The following ZEB1 variants were observed in gnomAD, a reference collection of about 807,000 sequenced individuals.
ZEB1 encodes the protein zinc finger E-box-binding homeobox 1.
In ZEB1, 21 loss-of-function variants were observed where a neutral mutation model predicts 84.9. The observed-to-expected ratio is 0.25, with a 90% CI of 0.18 to 0.36. The LOEUF is 0.36. Among genes scored for constraint, ZEB1 ranks in the 10% least tolerant of loss-of-function variants. The pLI is 1.00. For missense variants in ZEB1, 1,104 were observed against 1,330.2 expected, an observed-to-expected ratio of 0.83 and a Z score of 2.65; for synonymous variants, 420 against 471.1, an observed-to-expected ratio of 0.89 and a Z score of 1.41.
At chr10:31,525,179 G>C (rs906051391) in intron 8 of ZEB1, among the ~76,000 whole-genome samples, 2 of 152,194 alleles carry the variant, frequency 1.3e-5, no homozygotes. Flanking sequence ...TTTACATTTT[G>C]TCTATGTCAG....
rs1348280199 is a variant in ZEB1, at chr10:31,319,297, G to A, written c.58+5G>A. 2.5e-6 allele frequency: 4 copies of A among 1,607,136 alleles called. No homozygotes were observed. The Admixed American group carries it at 6.8e-5, about 27-fold the overall frequency. On this transcript the variant is annotated splice_donor_5th_base_variant and intron_variant, in intron 1 of 8. Coordinates refer to ENST00000424869, the MANE Select transcript of ZEB1 (RefSeq NM_001174096.2). ...CGAACCCGCGGCGCAATAACGGTGAGTGGCGGAGGGGACCGGGGAGCGGCG... is the reference window on the plus strand; with the variant it reads ...CGAACCCGCGGCGCAATAACGGTGAATGGCGGAGGGGACCGGGGAGCGGCG...
Position 31,520,836 on chromosome 10 carries a change from A to G in ZEB1, c.1504A>G (p.Asn502Asp). The change falls in exon 7 of 9, where the codon AAC (asparagine) becomes GAC (aspartate). Residue 502 changes from asparagine (N) to aspartate (D), a missense_variant. Asn to Asp is a conservative substitution (Grantham distance 23). Coordinates refer to ENST00000424869, the MANE Select transcript of ZEB1 (RefSeq NM_001174096.2). This position sits in a 1 kb window ranked among gnomAD's most constrained non-coding sequence, Gnocchi z 5.1. ...NLKKENPVAT[N>D]SCKSEKLPED... ...AAAAAAAGAAAATCCAGTCGCTACAAACAGTTGTAAAAGTGAAAAGTTACC... is the reference window on the plus strand; with the variant it reads ...AAAAAAAGAAAATCCAGTCGCTACAGACAGTTGTAAAAGTGAAAAGTTACC... 6.2e-7 allele frequency: 1 copy of G among 1,614,122 alleles called. No homozygotes were observed. Among genetic ancestry groups the G allele is most frequent in the Non-Finnish European group, 8.5e-7 (1 of 1,180,000 alleles).
chr10:31,515,505 T>G (rs985543203), intron 6 of ZEB1, among the ~76,000 whole-genome samples: 11 of 152,108 alleles, frequency 7.2e-5, no homozygotes, highest in African/African-American at 2.7e-4. Context: ...AATTATGGGT[T>G]TTCACACATT....
At chr10:31,471,442 C>T (rs1193111845) in intron 2 of ZEB1, among the ~76,000 whole-genome samples, 1 of 151,574 alleles carries the variant, frequency 6.6e-6, no homozygotes, top group African/African-American at 2.4e-5. Context: ...GACCTTAAAC[C>T]AATAAAGATC....
chr10:31,520,424 A>G lies in ZEB1; in HGVS notation c.1092A>G (p.Gly364=). ...YEFKPIVVAS[G]INCSTPLQNG... is the part of the protein sequence containing the mutation. ...TCAAACCCATAGTGGTTGCTTCAGG[A>G]ATCAACTGTTCAACCCCTTTACAAA... The change falls in exon 7 of 9, where the codon GGA becomes GGG. Residue 364 remains glycine (G), a synonymous_variant. Coordinates refer to ENST00000424869, the MANE Select transcript of ZEB1 (RefSeq NM_001174096.2). The surrounding 1 kb of genome is among the most constrained non-coding windows in gnomAD (Gnocchi z 5.1). The G allele has an allele frequency of 6.2e-7, 1 of 1,614,016 alleles. No individual in the cohort carries two copies. The highest frequency in any genetic ancestry group is 2.2e-5 in the East Asian group (1 of 44,846).
At chr10:31,486,696 A>G (rs1261208306) in intron 2 of ZEB1, among the ~76,000 whole-genome samples, 1 of 150,914 alleles carries the variant, frequency 6.6e-6, no homozygotes, top group African/African-American at 2.4e-5. Flanking sequence ...AAATTTTGAG[A>G]GTTCTTTAGA....
intron 1 of ZEB1, among the ~76,000 whole-genome samples, chr10:31,356,299 G>T (rs988120101): frequency 1.3e-5 from 2 of 151,728 alleles, no homozygotes; most frequent in African/African-American, 4.8e-5. Context: ...AAGATAATTT[G>T]ACTTCCTGAT....
intron 1 of ZEB1, chr10:31,387,157 A>G: frequency 1.0e-6 from 1 of 985,832 alleles, no homozygotes; most frequent in Non-Finnish European, 1.2e-6. Flanking sequence ...AGAGGAATAT[A>G]AAGAGGTCCC....
At chr10:31,513,286 T>G (rs2070438064) in intron 5 of ZEB1, among the ~76,000 whole-genome samples, 1 of 152,030 alleles carries the variant, frequency 6.6e-6, no homozygotes, top group African/African-American at 2.4e-5. Flanking sequence ...CAAGAATAAC[T>G]CCAAAGTTTA....
intron 5 of ZEB1, among the ~76,000 whole-genome samples, chr10:31,512,967 GT>G (rs1272285911): frequency 3.3e-5 from 5 of 152,184 alleles, no homozygotes; most frequent in Non-Finnish European, 5.9e-5. Flanking sequence ...AGGGAGAAAG[GT>G]AAGGCCAGAG....
intron 1 of ZEB1, among the ~76,000 whole-genome samples, chr10:31,373,428 T>A (rs1033986374): frequency 1.3e-5 from 2 of 151,854 alleles, no homozygotes; most frequent in Non-Finnish European, 2.9e-5. Flanking sequence ...TCATGTCTGG[T>A]TTAAAAATTC....
At chr10:31,451,814 A>G (rs1173863420) in intron 1 of ZEB1, among the ~76,000 whole-genome samples, 1 of 152,188 alleles carries the variant, frequency 6.6e-6, no homozygotes, top group East Asian at 1.9e-4. Context: ...TTGGGGGCAG[A>G]TAGATACAGG....
intron 1 of ZEB1, among the ~76,000 whole-genome samples, chr10:31,344,554 A>G (rs890835386): frequency 9.9e-5 from 15 of 152,126 alleles, no homozygotes. Context: ...CCCAGCAGAA[A>G]CTATTGTATC....
chr10:31,480,438 A>G (rs1413094295), intron 2 of ZEB1, among the ~76,000 whole-genome samples: 1 of 152,062 alleles, frequency 6.6e-6, no homozygotes, highest in East Asian at 1.9e-4. Flanking sequence ...AATCATTTTC[A>G]ACCAGAGGTG....
In ZEB1 at chr10:31,496,896, G is replaced by A. The variant is rs1442209132; in HGVS notation, c.322+1058G>A. Among the ~76,000 whole-genome samples the A allele has an allele frequency of 5.3e-5, 8 of 152,036 alleles. No individual in the cohort carries two copies. The East Asian group carries it at 9.7e-4, about 18-fold the overall frequency. ...TATAAACAATAGCACTCCTATACTC[G>A]TCAGTCATTTCTGTAAAACAGAGTA... is the stretch of plus-strand genomic sequence containing the variant. On this transcript the variant is annotated intron_variant, in intron 3 of 8. Transcript: ENST00000424869.
At chr10:31,458,338 G>GT (rs759058912) in intron 1 of ZEB1, among the ~76,000 whole-genome samples, 5 of 139,634 alleles carry the variant, frequency 3.6e-5, no homozygotes, top group South Asian at 4.5e-4. Flanking sequence ...TGTGTGTGTT[G>GT]TGTGTGTGTG....
rs550840039 is a variant in ZEB1, at chr10:31,330,413, T to C, written c.58+11121T>C. On this transcript the variant is annotated intron_variant, in intron 1 of 8. Coordinates refer to ENST00000424869, the MANE Select transcript of ZEB1 (RefSeq NM_001174096.2). ...TGACACATTTTAATTCACTGAAATATACTTTATTGAGGATACAGTTTCAGA... is the reference window on the plus strand; with the variant it reads ...TGACACATTTTAATTCACTGAAATACACTTTATTGAGGATACAGTTTCAGA... Among the ~76,000 whole-genome samples, 13 of 152,308 alleles carry C rather than the reference T, an allele frequency of 8.5e-5. No individual in the cohort carries two copies. The South Asian group carries it at 2.3e-3, about 27-fold the overall frequency.
upstream of ZEB1, chr10:31,319,178 G>A (rs1328719252): frequency 1.5e-5 from 17 of 1,113,580 alleles, no homozygotes; most frequent in African/African-American, 1.6e-4. Flanking sequence ...GGGTGGGGGG[G>A]AAGGGGGAGG....
At chr10:31,510,971 G>C in intron 5 of ZEB1, 96 bp downstream of exon 5, 1 of 1,191,264 alleles carries the variant, frequency 8.4e-7, no homozygotes, top group Non-Finnish European at 1.2e-6. Flanking sequence ...AAAGTTAAAA[G>C]AATGTACTAA....
Sources: gnomAD v4.1 joint callset for allele counts (sites outside exome capture counted in the v4.1 genomes callset) on GRCh38, gnomAD v4.1.1 for gene constraint, Gnocchi (gnomAD v3.1) non-coding constraint, MANE v1.5 for transcripts, NCBI Gene and HGNC (gene_info 2026-07-23, HGNC 2026-07-21) for gene names.